Variants in MYO16 observed in about 807,000 individuals in gnomAD.
MYO16 encodes the protein myosin XVI, also known as unconventional myosin-XVI.
MYO16 carries 94 observed loss-of-function variants against 205.3 expected under a neutral mutation model. The ratio of observed to expected loss-of-function variants is 0.46; its 90% confidence interval spans 0.39 to 0.54. The LOEUF (loss-of-function observed/expected upper bound fraction) is 0.54. Among genes scored for constraint, MYO16 ranks in the 20% least tolerant of loss-of-function variants. The pLI is 0.00. For missense variants in MYO16, 2,315 were observed against 2,387.5 expected (o/e 0.97, Z 0.63); for synonymous variants, 988 against 954.0 (o/e 1.04, Z -0.66).
intron 9 of MYO16, among the ~76,000 whole-genome samples, chr13:108,830,606 G>A (rs919126472): frequency 8.0e-6 from 1 of 125,184 alleles, no homozygotes; most frequent in Non-Finnish European, 1.6e-5. Context: ...TCTGGGGACT[G>A]TTGTGGGGTG....
rs72654101 is a variant in MYO16, at chr13:109,046,780, C to T, written c.2797-136C>T. On this transcript the variant is annotated intron_variant, in intron 23 of 34. Transcript: ENST00000457511. The stretch of plus-strand genomic sequence containing the variant: ...ATTATAGCTTGGAACTTGCATGTAA[C>T]GTGAACTGTAAGACCTGAAGACACT... The T allele has an allele frequency of 4.2e-4, 281 of 670,542 alleles. 1 individual carries two copies. The highest frequency in any genetic ancestry group is 1.2e-3 in the Middle Eastern group (3 of 2,518). The allele number at this position is 670,542 out of a possible 1,614,324, so 41.5% of individuals were successfully genotyped here. A position where few individuals can be genotyped will look rare whatever the true frequency, so the allele number is the denominator to read the frequency against.
At chr13:109,069,769 A>C (rs1047360438) in intron 27 of MYO16, among the ~76,000 whole-genome samples, 3 of 152,086 alleles carry the variant, frequency 2.0e-5, no homozygotes, top group African/African-American at 7.2e-5. Flanking sequence ...ATTACTTCTC[A>C]AGGGATCTAT....
intron 12 of MYO16, among the ~76,000 whole-genome samples, chr13:108,877,905 T>G (rs944039055): frequency 6.6e-6 from 1 of 152,250 alleles, no homozygotes; most frequent in Admixed American, 6.5e-5. Flanking sequence ...ATACAAATCA[T>G]GAGAGTACCA....
chr13:108,968,134 T>G (rs1232286827), intron 20 of MYO16, among the ~76,000 whole-genome samples: 1 of 152,166 alleles, frequency 6.6e-6, no homozygotes, highest in Non-Finnish European at 1.5e-5. Context: ...AGACAGAGCG[T>G]CAGCCTCTCA....
In MYO16 at chr13:109,179,521, G is replaced by A. The variant is rs140074893; in HGVS notation, c.5324-21G>A. ...AACAAGGAGACACTGCTTAACTCCC[G>A]ATTTGTGTTGACCTCAATAGGTTTA... On this transcript the variant is annotated intron_variant, in intron 33 of 34. Transcript: ENST00000457511. 2.5e-3 allele frequency: 3,943 copies of A among 1,561,682 alleles called. 12 individuals carry two copies. Among genetic ancestry groups the A allele is most frequent in the Non-Finnish European group, 3.2e-3 (3,620 of 1,132,550 alleles).
intron 12 of MYO16, among the ~76,000 whole-genome samples, chr13:108,880,916 T>C (rs536063680): frequency 1.3e-5 from 2 of 152,308 alleles, no homozygotes; most frequent in Admixed American, 1.3e-4. Flanking sequence ...ATTGGTAGCT[T>C]GATGAAGATG....
the MYO16 span, among the ~76,000 whole-genome samples, chr13:108,531,616 T>G: frequency 2.0e-4 from 17 of 87,104 alleles, no homozygotes; most frequent in South Asian, 8.3e-3. Flanking sequence ...GCCTAGAACA[T>G]GCTTTCTAAT....
At position 108,649,115 on chromosome 13, in the gene MYO16, C is replaced by A. The variant is rs528216523; in HGVS notation, c.29-16771C>A. ...GGGAGGGATAGCATTAGGAGCTATA[C>A]CTAATGTTAAATGATGAGTTAATGG... On this transcript the variant is annotated intron_variant, in intron 1 of 34. Coordinates refer to ENST00000457511, the MANE Select transcript of MYO16 (RefSeq NM_001198950.3). 5.9e-5 allele frequency among the ~76,000 whole-genome samples: 9 copies of A among 151,680 alleles called. No individual in the cohort carries two copies. In the East Asian group the frequency reaches 1.7e-3, roughly 29 times the overall value.
At chr13:108,610,347 T>G (rs892169903) in intron 1 of MYO16, among the ~76,000 whole-genome samples, 1 of 152,160 alleles carries the variant, frequency 6.6e-6, no homozygotes, top group African/African-American at 2.4e-5. Flanking sequence ...AGCCATTTCC[T>G]CTCTTGGGCT....
At chr13:108,730,761 G>A (rs376558761) in intron 4 of MYO16, among the ~76,000 whole-genome samples, 1 of 152,134 alleles carries the variant, frequency 6.6e-6, no homozygotes, top group African/African-American at 2.4e-5. Context: ...ACAATTTGGA[G>A]AAGTGTTATA....
intron 5 of MYO16, among the ~76,000 whole-genome samples, chr13:108,786,637 C>T (rs1170341283): frequency 6.6e-6 from 1 of 152,108 alleles, no homozygotes; most frequent in African/African-American, 2.4e-5. Flanking sequence ...AGGTTTATTC[C>T]GAGGATGGCT....
rs933242957 is a variant in MYO16, at chr13:108,621,120, A to G, written c.-39+24881A>G. 3.3e-5 allele frequency among the ~76,000 whole-genome samples: 5 copies of G among 152,318 alleles called. No homozygotes were observed. In the East Asian group the frequency reaches 9.6e-4, roughly 29 times the overall value. On this transcript the variant is annotated intron_variant, in intron 1 of 24. Coordinates refer to the MYO16 transcript ENST00000251041. ...CATCCTCTGGTGTGTGCTAGGCACCACATCTTCAGAAACACACTGCAAACC... is the reference window on the plus strand; with the variant it reads ...CATCCTCTGGTGTGTGCTAGGCACCGCATCTTCAGAAACACACTGCAAACC...
chr13:109,048,273 T>G, intron 24 of MYO16: 2 of 687,902 alleles, frequency 2.9e-6, no homozygotes, highest in South Asian at 1.6e-5. Context: ...ATCATTCTTT[T>G]ATGTAAATTT....
At chr13:108,528,167 T>C in the MYO16 span, among the ~76,000 whole-genome samples, 2 of 152,210 alleles carry the variant, frequency 1.3e-5, no homozygotes, top group Admixed American at 1.3e-4. Context: ...TTAAGTGGGA[T>C]GAATGCTTCA....
At chr13:108,726,092 G>A (rs1884326141) in intron 3 of MYO16, among the ~76,000 whole-genome samples, 2 of 152,106 alleles carry the variant, frequency 1.3e-5, no homozygotes, top group Non-Finnish European at 2.9e-5. Flanking sequence ...GCTTCCAGTG[G>A]GATATTGATT....
intron 9 of MYO16, among the ~76,000 whole-genome samples, chr13:108,831,572 G>T (rs559867812): frequency 1.3e-5 from 2 of 152,244 alleles, no homozygotes; most frequent in South Asian, 4.2e-4. Context: ...GAGTGCCATG[G>T]CACAATCTCA....
chr13:108,522,158 C>T, the MYO16 span, among the ~76,000 whole-genome samples: 2 of 152,218 alleles, frequency 1.3e-5, no homozygotes, highest in African/African-American at 2.4e-5. Context: ...AAGGAATCTT[C>T]TTACCCTGCT....
chr13:109,041,886 G>T (rs1886895313), intron 23 of MYO16, among the ~76,000 whole-genome samples: 1 of 148,360 alleles, frequency 6.7e-6, no homozygotes, highest in South Asian at 2.1e-4. Context: ...TCCGAGACTA[G>T]AGTGTCACTC....
Position 109,028,340 on chromosome 13 carries a change from A to C in MYO16, c.2796+8429A>C, listed in dbSNP as rs949970958. ...GAAAATTGAGATATTTCTCAACTAC[A>C]ATATTAAAAGAGAAAACAGAAAACA... On this transcript the variant is annotated intron_variant, in intron 23 of 34. Transcript: ENST00000457511. The C allele has an allele frequency of 1.5e-5, 4 of 261,466 alleles. No homozygotes were observed. In the South Asian group the frequency reaches 1.6e-4, roughly 10 times the overall value. The allele number at this position is 261,466 out of a possible 1,614,324, so 16.2% of individuals were successfully genotyped here.
Sources: allele counts gnomAD v4.1 joint callset (sites outside exome capture counted in the v4.1 genomes callset), GRCh38; gene constraint gnomAD v4.1.1; transcripts MANE v1.5; gene names NCBI Gene and HGNC (gene_info 2026-07-23, HGNC 2026-07-21).